The following GPC6 variants were observed in gnomAD, a reference collection of about 807,000 sequenced individuals.
The protein encoded by GPC6 is glypican 6.
In GPC6, 14 loss-of-function variants were observed where a neutral mutation model predicts 55.2. The ratio of observed to expected loss-of-function variants is 0.25; its 90% CI spans 0.17 to 0.40. GPC6 has a LOEUF of 0.40. Ranked by LOEUF, GPC6 falls within the 10% of genes least tolerant of loss-of-function variation. The pLI, the probability that GPC6 is intolerant of heterozygous loss-of-function variation, is 1.00. For missense variants in GPC6, 641 were observed against 708.5 expected (o/e 0.90, Z 1.08); for synonymous variants, 278 against 259.6 (o/e 1.07, Z -0.68).
chr13:93,489,381 G>C (rs1452962886), intron 1 of GPC6, among the ~76,000 whole-genome samples: 1 of 151,452 alleles, frequency 6.6e-6, no homozygotes, highest in Non-Finnish European at 1.5e-5. Flanking sequence ...TAGCCTTGTA[G>C]TATAGTTTAA....
At chr13:94,123,656 T>G (rs1886710766) in intron 4 of GPC6, among the ~76,000 whole-genome samples, 1 of 151,990 alleles carries the variant, frequency 6.6e-6, no homozygotes, top group African/African-American at 2.4e-5. Context: ...TTTGAGCTCT[T>G]AAGCAACTGT....
intron 1 of GPC6, among the ~76,000 whole-genome samples, chr13:93,397,766 T>G (rs184928271): frequency 3.7e-4 from 56 of 152,098 alleles, no homozygotes; most frequent in African/African-American, 1.3e-3. Flanking sequence ...CCTCCTCTTT[T>G]TTTTTTTCTC....
intron 2 of GPC6, among the ~76,000 whole-genome samples, chr13:93,803,588 A>G (rs1012516331): frequency 3.3e-5 from 5 of 152,168 alleles, no homozygotes; most frequent in African/African-American, 1.2e-4. Context: ...CTAAGTATAT[A>G]CCTAAAAGAA....
chr13:94,178,111 T>G lies in GPC6; in HGVS notation c.878-108238T>G, dbSNP rs183051893. 8.6e-3 allele frequency among the ~76,000 whole-genome samples: 1,289 copies of G among 150,082 alleles called. 11 individuals are homozygous for G. Among genetic ancestry groups the G allele is most frequent in the Non-Finnish European group, 0.013 (895 of 67,684 alleles). On this transcript the variant is annotated intron_variant, in intron 4 of 8. Transcript: ENST00000377047. ...TCAACTCACTGCAACCTCCGCCTCC[T>G]GGGTTCAAGCGATTCTCCTGCCTCA... is the stretch of plus-strand genomic sequence containing the variant.
chr13:94,027,876 G>C lies in GPC6; in HGVS notation c.859G>C (p.Glu287Gln). 6.2e-7 allele frequency: 1 copy of C among 1,614,078 alleles called. No homozygotes were observed. The highest frequency in any genetic ancestry group is 8.5e-7 in the Non-Finnish European group (1 of 1,179,982). Residue 287 changes from glutamate (E) to glutamine (Q), a missense_variant, in exon 4 of 9, where the codon GAG becomes CAG. Coordinates refer to ENST00000377047, the MANE Select transcript of GPC6 (RefSeq NM_005708.5). ...GGCAAATCAGGCTGACCTCGACACAGAGTGGAATCTGTTTATAGGTAAGAA... is the reference window on the plus strand; with the variant it reads ...GGCAAATCAGGCTGACCTCGACACACAGTGGAATCTGTTTATAGGTAAGAA... Reference protein sequence around the residue: ...CLANQADLDTEWNLFIDAMLL... With the variant: ...CLANQADLDTQWNLFIDAMLL...
At chr13:94,178,304 A>T (rs767072987) in intron 4 of GPC6, among the ~76,000 whole-genome samples, 1 of 152,126 alleles carries the variant, frequency 6.6e-6, no homozygotes, top group Non-Finnish European at 1.5e-5. Context: ...GCTGGTCTTT[A>T]AATATTTTAT....
intron 6 of GPC6, among the ~76,000 whole-genome samples, chr13:94,380,031 A>C (rs1880087487): frequency 6.6e-6 from 1 of 152,226 alleles, no homozygotes; most frequent in Non-Finnish European, 1.5e-5. Context: ...TGAGTAGTGC[A>C]ACATCCACCA....
At chr13:94,128,598 G>C (rs1454956573) in intron 4 of GPC6, among the ~76,000 whole-genome samples, 2 of 152,092 alleles carry the variant, frequency 1.3e-5, no homozygotes, top group African/African-American at 4.8e-5. Flanking sequence ...TGGTCTTAAC[G>C]GGCAATTAAA....
At chr13:93,253,004 A>T (rs755627844) in intron 1 of GPC6, among the ~76,000 whole-genome samples, 30 of 152,222 alleles carry the variant, frequency 2.0e-4, no homozygotes, top group Admixed American at 1.6e-3. Flanking sequence ...TGGAACATGC[A>T]TTTTGTTGCC....
intron 6 of GPC6, among the ~76,000 whole-genome samples, chr13:94,316,294 G>A (rs913035263): frequency 2.6e-5 from 4 of 152,118 alleles, no homozygotes; most frequent in African/African-American, 9.7e-5. Context: ...GGATGCCAAC[G>A]GAGCTTACCT....
rs773917464 is a variant in GPC6, at chr13:94,195,535, G to T, written c.878-90814G>T. On this transcript the variant is annotated intron_variant, in intron 4 of 8. Transcript: ENST00000377047. Reference sequence around the variant, plus strand: ...CATGCATGTTCACATTATTATTCTCGCTGACTTTGGGATTGTTCCTTAACT... The same window carrying T: ...CATGCATGTTCACATTATTATTCTCTCTGACTTTGGGATTGTTCCTTAACT... 3.7e-4 allele frequency among the ~76,000 whole-genome samples: 56 copies of T among 152,042 alleles called. 2 individuals carry two copies. Among genetic ancestry groups the T allele is most frequent in the South Asian group, 4.1e-4 (2 of 4,826 alleles).
Position 93,227,347 on chromosome 13 carries a change from G to C in GPC6, c.-110G>C. ...TCGGCTGGCAGAAGGGGGTGACGCT[G>C]GGCAGCGGCGAGGAGCGCGCCGCTG... On this transcript the variant is annotated 5_prime_UTR_variant, in exon 1 of 9. Coordinates refer to ENST00000377047, the MANE Select transcript of GPC6 (RefSeq NM_005708.5). This position sits in a 1 kb window ranked among gnomAD's most constrained non-coding sequence, Gnocchi z 4.3. 9.3e-7 allele frequency: 1 copy of C among 1,073,680 alleles called. No homozygotes were observed. The allele number at this position is 1,073,680 out of a possible 1,614,324, so 66.5% of individuals were successfully genotyped here.
At chr13:93,968,682 G>C (rs1379340522) in intron 3 of GPC6, among the ~76,000 whole-genome samples, 3 of 151,968 alleles carry the variant, frequency 2.0e-5, no homozygotes, top group Non-Finnish European at 4.4e-5. Context: ...ACCTTTATAG[G>C]TTTCCTTAGA....
intron 4 of GPC6, among the ~76,000 whole-genome samples, chr13:94,195,588 A>C (rs188569539): frequency 6.6e-6 from 1 of 152,312 alleles, no homozygotes; most frequent in African/African-American, 2.4e-5. Flanking sequence ...CTCATTCATA[A>C]AACAGAGTTG....
chr13:94,178,426 AT>A (rs1344516758), intron 4 of GPC6, among the ~76,000 whole-genome samples: 2 of 152,248 alleles, frequency 1.3e-5, no homozygotes, highest in Admixed American at 1.3e-4. Context: ...ACCATAAAAA[AT>A]GATTATGTGT....
chr13:93,695,436 A>G (rs1376576924), intron 2 of GPC6, among the ~76,000 whole-genome samples: 1 of 151,934 alleles, frequency 6.6e-6, no homozygotes, highest in African/African-American at 2.4e-5. Context: ...CATGAATATT[A>G]GAAATATTAA....
intron 2 of GPC6, among the ~76,000 whole-genome samples, chr13:93,790,158 C>T (rs948968039): frequency 6.6e-6 from 1 of 152,058 alleles, no homozygotes; most frequent in Admixed American, 6.6e-5. Context: ...TTAGAGATGA[C>T]AGTTAATAGT....
At chr13:93,849,702 C>T (rs75885667) in intron 3 of GPC6, among the ~76,000 whole-genome samples, 7,263 of 152,124 alleles carry the variant, frequency 0.048, 225 homozygotes, top group Non-Finnish European at 0.071. Context: ...CTCATCTTTC[C>T]AGAGGCTTGT....
intron 6 of GPC6, among the ~76,000 whole-genome samples, chr13:94,350,532 TGTG>T (rs1878489645): frequency 6.6e-6 from 1 of 152,202 alleles, no homozygotes; most frequent in African/African-American, 2.4e-5. Context: ...GGTTGCCCAT[TGTG>T]GTACCCACAA....
Sources: allele counts gnomAD v4.1 joint callset (sites outside exome capture counted in the v4.1 genomes callset), GRCh38; gene constraint gnomAD v4.1.1; non-coding constraint Gnocchi (gnomAD v3.1); transcripts MANE v1.5; gene names NCBI Gene and HGNC (gene_info 2026-07-23, HGNC 2026-07-21).